Variants in GRIK1 observed in about 807,000 individuals in gnomAD.
GRIK1 encodes glutamate receptor ionotropic, kainate 1.
A neutral mutation model predicts 105.7 loss-of-function variants in GRIK1; 69 were observed. That is an observed-to-expected ratio of 0.65 (90% CI 0.54 to 0.80). The LOEUF (loss-of-function observed/expected upper bound fraction) is 0.80, where lower values mean the gene tolerates loss of function less well. Among genes scored for constraint, GRIK1 ranks in the 30% least tolerant of loss-of-function variants. The pLI is 0.00. For synonymous variants in GRIK1, 438 were observed against 431.3 expected (o/e 1.02, Z -0.19); for missense variants, 1,109 against 1,167.3 (o/e 0.95, Z 0.73).
intron 1 of GRIK1, among the ~76,000 whole-genome samples, chr21:29,885,764 C>G (rs2069601555): frequency 6.6e-6 from 1 of 152,042 alleles, no homozygotes; most frequent in Non-Finnish European, 1.5e-5. Context: ...GGTGAATGAC[C>G]TTCCATAAAC....
intron 7 of GRIK1, among the ~76,000 whole-genome samples, chr21:29,622,971 T>C (rs2146438927): frequency 6.6e-6 from 1 of 152,284 alleles, no homozygotes; most frequent in South Asian, 2.1e-4. Flanking sequence ...TACTATAAGA[T>C]CATAAGAAGG....
rs34910439 is a variant in GRIK1, at chr21:29,541,575, C to CTTTTTTTTTTTTTTTTTTTTT, written c.2608-3712_2608-3692dup. On this transcript the variant is annotated intron_variant, in intron 16 of 17. Coordinates refer to ENST00000327783, the MANE Select transcript of GRIK1 (RefSeq NM_001330994.2). ...CTATGCCATTCATTGCACTCACGGTCTTTTTTTTTTTTTTTTTTTTTGTGG... is the reference window on the plus strand; with the variant it reads ...CTATGCCATTCATTGCACTCACGGTCTTTTTTTTTTTTTTTTTTTTTTTTTTTTTTTTTTTTTTTTTTGTGG... Among the ~76,000 whole-genome samples the CTTTTTTTTTTTTTTTTTTTTT allele has an allele frequency of 1.3e-3, 126 of 95,946 alleles. 12 individuals are homozygous for CTTTTTTTTTTTTTTTTTTTTT. The highest frequency in any genetic ancestry group is 5.5e-3 in the Middle Eastern group (1 of 182). The allele number at this position is 95,946 out of a possible 152,430, so 62.9% of individuals were successfully genotyped here. A position where few individuals can be genotyped will look rare whatever the true frequency, so the allele number is the denominator to read the frequency against.
intron 14 of GRIK1, among the ~76,000 whole-genome samples, chr21:29,568,198 G>T (rs549905127): frequency 6.6e-6 from 1 of 152,282 alleles, no homozygotes; most frequent in South Asian, 2.1e-4. Flanking sequence ...AACCTACAGA[G>T]ACCTAACATT....
chr21:29,552,143 A>G (rs2090145582), intron 16 of GRIK1, among the ~76,000 whole-genome samples: 1 of 152,144 alleles, frequency 6.6e-6, no homozygotes, highest in Non-Finnish European at 1.5e-5. Context: ...ACTGGGAGCC[A>G]TTTAAAGCTA....
rs116188011 is a variant in GRIK1 at position 29,596,523 on chromosome 21, A to T, written c.1251+3T>A. On this transcript the variant is annotated splice_donor_region_variant and intron_variant, in intron 9 of 17. Coordinates refer to ENST00000327783, the MANE Select transcript of GRIK1 (RefSeq NM_001330994.2). ...TTCCTGCAGTTGTTGTCAGAGTACA[A>T]ACCTTCTTCCACACTTTATACAAGT... is the stretch of plus-strand genomic sequence containing the variant. 1,640 of 1,602,152 alleles carry T rather than the reference A, an allele frequency of 1.0e-3. 26 individuals carry two copies. In the African/African-American group the frequency reaches 0.019, roughly 19 times the overall value.
chr21:29,806,960 C>A (rs1401602781), intron 1 of GRIK1, among the ~76,000 whole-genome samples: 1 of 152,130 alleles, frequency 6.6e-6, no homozygotes, highest in Non-Finnish European at 1.5e-5. Flanking sequence ...ATATACTGAA[C>A]TTTATATAGG....
At chr21:29,591,333 A>T (rs1190494828) in intron 9 of GRIK1, 108 bp from the exon 10 acceptor site, 1 of 754,598 alleles carries the variant, frequency 1.3e-6, no homozygotes, top group Non-Finnish European at 2.4e-6. Flanking sequence ...ACAGTTTGGG[A>T]CACTGGGGCA....
chr21:29,613,970 G>C (rs2061784578), intron 7 of GRIK1, among the ~76,000 whole-genome samples: 1 of 151,996 alleles, frequency 6.6e-6, no homozygotes, highest in Non-Finnish European at 1.5e-5. Flanking sequence ...TGCTTGCCCT[G>C]AAAAAAATAG....
intron 1 of GRIK1, among the ~76,000 whole-genome samples, chr21:29,925,999 T>C (rs190873444): frequency 5.9e-5 from 9 of 152,250 alleles, no homozygotes; most frequent in African/African-American, 2.2e-4. Flanking sequence ...CGTTTGTAAA[T>C]GCTAACTTTA....
chr21:29,801,243 G>T (rs1407755843), intron 1 of GRIK1, among the ~76,000 whole-genome samples: 1 of 151,370 alleles, frequency 6.6e-6, no homozygotes, highest in Non-Finnish European at 1.5e-5. Flanking sequence ...TATTAGGTGG[G>T]TACAAAAGTA....
chr21:29,680,002 A>G (rs945885291), intron 3 of GRIK1, among the ~76,000 whole-genome samples: 6 of 152,328 alleles, frequency 3.9e-5, no homozygotes, highest in East Asian at 3.9e-4. Context: ...ATAGGAGGGA[A>G]TATGCTCGCT....
intron 1 of GRIK1, among the ~76,000 whole-genome samples, chr21:29,840,689 C>T (rs1569149276): frequency 6.6e-6 from 1 of 152,044 alleles, no homozygotes; most frequent in Non-Finnish European, 1.5e-5. Context: ...ATTGTTTTGG[C>T]TCATAATATT....
intron 1 of GRIK1, among the ~76,000 whole-genome samples, chr21:29,694,698 T>C (rs2043647625): frequency 6.6e-6 from 1 of 152,226 alleles, no homozygotes; most frequent in Admixed American, 6.5e-5. Context: ...GGACAAGAAT[T>C]GCACCATGCT....
At chr21:29,937,415 G>A (rs56376761) in intron 1 of GRIK1, among the ~76,000 whole-genome samples, 1 of 152,152 alleles carries the variant, frequency 6.6e-6, no homozygotes, top group Non-Finnish European at 1.5e-5. Context: ...TTAGAAAAAA[G>A]AAAACCTCAT....
intron 1 of GRIK1, among the ~76,000 whole-genome samples, chr21:29,831,666 G>A (rs2067645112): frequency 6.6e-6 from 1 of 152,038 alleles, no homozygotes; most frequent in Non-Finnish European, 1.5e-5. Flanking sequence ...CAAGGGTTTG[G>A]AAATCAGCCC....
chr21:29,903,723 G>A (rs933981961), intron 1 of GRIK1, among the ~76,000 whole-genome samples: 1 of 151,686 alleles, frequency 6.6e-6, no homozygotes, highest in African/African-American at 2.4e-5. Flanking sequence ...AAACAGTGTG[G>A]CGATCATCTA....
intron 1 of GRIK1, among the ~76,000 whole-genome samples, chr21:29,797,893 T>C (rs1364580614): frequency 1.3e-5 from 2 of 152,180 alleles, no homozygotes; most frequent in Non-Finnish European, 1.5e-5. Context: ...TCTGAGTAGA[T>C]ACTGCATCCT....
rs1310869550 is a variant in GRIK1, at chr21:29,771,138, A to G, written c.119-77075T>C. 3.3e-5 allele frequency among the ~76,000 whole-genome samples: 5 copies of G among 152,238 alleles called. No homozygotes were observed. The East Asian group carries it at 9.6e-4, about 29-fold the overall frequency. On this transcript the variant is annotated intron_variant, in intron 1 of 17. Transcript: ENST00000327783. ...CAGTTTTTAAACATTTGAGGTTTTA[A>G]TAAATCCAGTACCCATAGTGACTCT... is the stretch of plus-strand genomic sequence containing the variant.
chr21:29,887,285 G>A (rs538775060), intron 1 of GRIK1, among the ~76,000 whole-genome samples: 29 of 152,232 alleles, frequency 1.9e-4, no homozygotes, highest in African/African-American at 6.5e-4. Context: ...TGAAATAAGT[G>A]TCACTTACTT....
Sources: allele counts gnomAD v4.1 joint callset (sites outside exome capture counted in the v4.1 genomes callset), GRCh38; gene constraint gnomAD v4.1.1; transcripts MANE v1.5; gene names NCBI Gene and HGNC (gene_info 2026-07-23, HGNC 2026-07-21).